SRBD1: variants seen among roughly 807,000 people sequenced by gnomAD.
The protein encoded by SRBD1 is S1 RNA binding domain 1.
SRBD1 carries 88 observed loss-of-function variants against 115.3 expected under a neutral mutation model. That is an observed-to-expected ratio of 0.76 (90% CI 0.64 to 0.91). SRBD1 has a LOEUF of 0.91. Ranked by LOEUF, SRBD1 falls within the 40% of genes least tolerant of loss-of-function variation. The pLI is 0.00. For synonymous variants in SRBD1, 509 were observed against 407.7 expected, an observed-to-expected ratio of 1.25 and a Z score of -2.99; for missense variants, 1,385 against 1,177.4, an observed-to-expected ratio of 1.18 and a Z score of -2.58.
At chr2:45,506,005 C>G (rs1342187595) in intron 14 of SRBD1, among the ~76,000 whole-genome samples, 3 of 152,118 alleles carry the variant, frequency 2.0e-5, no homozygotes, top group African/African-American at 7.2e-5. Context: ...GAGGTTAACA[C>G]AATTGGCATG....
chr2:45,551,585 G>C (rs1057178886), intron 11 of SRBD1, among the ~76,000 whole-genome samples: 1 of 152,196 alleles, frequency 6.6e-6, no homozygotes, highest in Non-Finnish European at 1.5e-5. Context: ...AAGACAGAGA[G>C]TGTACGCACA....
At chr2:45,443,488 T>A (rs1420002690) in intron 16 of SRBD1, among the ~76,000 whole-genome samples, 2 of 152,104 alleles carry the variant, frequency 1.3e-5, no homozygotes, top group Non-Finnish European at 2.9e-5. Context: ...CGTCAACAGT[T>A]TTTTTCTAGA....
chr2:45,538,372 G>C (rs1017636298), intron 14 of SRBD1, among the ~76,000 whole-genome samples: 1 of 152,130 alleles, frequency 6.6e-6, no homozygotes, highest in Non-Finnish European at 1.5e-5. Flanking sequence ...AGAAAATTCA[G>C]CTAGTGAGTT....
intron 16 of SRBD1, among the ~76,000 whole-genome samples, chr2:45,472,587 G>T (rs537893765): frequency 2.6e-5 from 4 of 152,274 alleles, no homozygotes; most frequent in Admixed American, 1.3e-4. Flanking sequence ...GGGCTCAAAT[G>T]ATCTCCTGCC....
At position 45,551,240 on chromosome 2, in the gene SRBD1, C is replaced by T. The variant is rs1481063453; in HGVS notation, c.1560G>A (p.Met520Ile). Residue 520 changes from methionine to isoleucine, a missense_variant, in exon 12 of 21, where the codon ATG (methionine) becomes ATA (isoleucine). Met to Ile is a conservative substitution (Grantham distance 10). Transcript: ENST00000263736. ...TSDAEKESVM[M>I]FGRNLRQLLL... ...GGAGCTGACGAAGGTTCCGTCCAAA[C>T]ATCATTACTGATTCCTTCTCTGCAT... 6.2e-7 allele frequency: 1 copy of T among 1,610,904 alleles called. No homozygotes were observed. The highest frequency in any genetic ancestry group is 8.5e-7 in the Non-Finnish European group (1 of 1,179,436).
At chr2:45,522,838 T>C (rs774642080) in intron 14 of SRBD1, among the ~76,000 whole-genome samples, 2 of 152,204 alleles carry the variant, frequency 1.3e-5, no homozygotes, top group Non-Finnish European at 2.9e-5. Context: ...ACGTATAACA[T>C]ACAGAACATG....
Position 45,507,715 on chromosome 2 carries a change from C to T in SRBD1, c.1875-19384G>A, listed in dbSNP as rs115232134. On this transcript the variant is annotated intron_variant, in intron 14 of 20. Coordinates refer to ENST00000263736, the MANE Select transcript of SRBD1 (RefSeq NM_018079.5). ...AACCTGGGCAACAAGAACAAAACTCCGTCTCAAAAAAAACAAAAAACAAAA... is the reference window on the plus strand; with the variant it reads ...AACCTGGGCAACAAGAACAAAACTCTGTCTCAAAAAAAACAAAAAACAAAA... Among the ~76,000 whole-genome samples the T allele has an allele frequency of 4.9e-3, 749 of 151,442 alleles. 5 individuals carry two copies. The highest frequency in any genetic ancestry group is 8.7e-3 in the Non-Finnish European group (593 of 67,826).
intron 16 of SRBD1, among the ~76,000 whole-genome samples, chr2:45,427,284 CCT>C (rs1425465009): frequency 4.6e-5 from 7 of 152,072 alleles, no homozygotes; most frequent in African/African-American, 1.7e-4. Context: ...AGGATATTAA[CCT>C]TAAATGTAAA....
intron 9 of SRBD1, among the ~76,000 whole-genome samples, chr2:45,568,953 A>T (rs116203062): frequency 6.6e-6 from 1 of 152,338 alleles, no homozygotes; most frequent in African/African-American, 2.4e-5. Flanking sequence ...ACTTCACCTG[A>T]TGTGGTAAAT....
intron 14 of SRBD1, among the ~76,000 whole-genome samples, chr2:45,498,456 T>C (rs1247213159): frequency 6.6e-6 from 1 of 152,216 alleles, no homozygotes; most frequent in Non-Finnish European, 1.5e-5. Context: ...GGTACATTGA[T>C]AATTTGATAT....
intron 16 of SRBD1, 86 bp downstream of exon 16, chr2:45,476,907 C>A (rs1276462201): frequency 4.0e-6 from 5 of 1,244,744 alleles, no homozygotes; most frequent in East Asian, 2.4e-5. Flanking sequence ...AATCTACTCC[C>A]ACAGACACTT....
At chr2:45,566,945 A>G (rs1672848246) in intron 9 of SRBD1, among the ~76,000 whole-genome samples, 2 of 152,128 alleles carry the variant, frequency 1.3e-5, no homozygotes, top group African/African-American at 4.8e-5. Flanking sequence ...TTAATAAACT[A>G]AGTTCTCCCT....
Position 45,451,234 on chromosome 2 carries a change from G to A in SRBD1, c.2049+25759C>T, listed in dbSNP as rs181292242. ...TTTTAATTGCACTTGAATGGATTAT[G>A]CCATACAGAATGAAATGTAGCCTCA... On this transcript the variant is annotated intron_variant, in intron 16 of 20. Transcript: ENST00000263736. Among the ~76,000 whole-genome samples the A allele has an allele frequency of 2.2e-3, 333 of 152,098 alleles. 1 individual carries two copies. Among genetic ancestry groups the A allele is most frequent in the African/African-American group, 7.6e-3 (315 of 41,512 alleles).
chr2:45,533,829 G>C (rs188172916), intron 14 of SRBD1, among the ~76,000 whole-genome samples: 4 of 152,138 alleles, frequency 2.6e-5, no homozygotes, highest in Admixed American at 2.6e-4. Flanking sequence ...CAGGACATCT[G>C]TTTTGGTTAT....
intron 4 of SRBD1, among the ~76,000 whole-genome samples, chr2:45,589,921 G>A (rs1448985616): frequency 6.6e-6 from 1 of 152,154 alleles, no homozygotes; most frequent in Non-Finnish European, 1.5e-5. Flanking sequence ...CATACAGTAT[G>A]GTTCATACTC....
At chr2:45,539,623 C>T (rs1241644313) in intron 14 of SRBD1, among the ~76,000 whole-genome samples, 2 of 152,166 alleles carry the variant, frequency 1.3e-5, no homozygotes, top group Admixed American at 1.3e-4. Context: ...TCTGTCTGGT[C>T]TGCAGCCTAA....
chr2:45,404,920 G>C (rs2103839228), intron 19 of SRBD1, among the ~76,000 whole-genome samples: 1 of 152,126 alleles, frequency 6.6e-6, no homozygotes, highest in Admixed American at 6.6e-5. Flanking sequence ...CCTTCACACT[G>C]TCTGGCTCCT....
intron 11 of SRBD1, among the ~76,000 whole-genome samples, chr2:45,551,849 A>G (rs1289525607): frequency 2.0e-5 from 3 of 152,238 alleles, no homozygotes; most frequent in Non-Finnish European, 4.4e-5. Context: ...TGAAAGAAGT[A>G]TACAAGCATG....
intron 16 of SRBD1, among the ~76,000 whole-genome samples, chr2:45,436,856 T>C (rs1572639638): frequency 6.6e-6 from 1 of 152,134 alleles, no homozygotes; most frequent in African/African-American, 2.4e-5. Flanking sequence ...AATATGATCG[T>C]CTATGTAGAA....
Sources: allele counts gnomAD v4.1 joint callset (sites outside exome capture counted in the v4.1 genomes callset), GRCh38; gene constraint gnomAD v4.1.1; transcripts MANE v1.5; gene names NCBI Gene and HGNC (gene_info 2026-07-23, HGNC 2026-07-21).